The following ACADVL variants were observed in gnomAD, a reference collection of about 807,000 sequenced individuals.
The protein encoded by ACADVL is very long-chain acyl-CoA dehydrogenase, mitochondrial.
A neutral mutation model predicts 80.4 loss-of-function variants in ACADVL; 73 were observed. The observed-to-expected ratio is 0.91, with a 90% CI of 0.75 to 1.10. ACADVL has a LOEUF of 1.10. Ranked by LOEUF, ACADVL falls within the 50% of genes least tolerant of loss-of-function variation. The pLI is 0.00. For synonymous variants in ACADVL, 392 were observed against 326.5 expected (o/e 1.20, Z -2.16); for missense variants, 878 against 858.9 (o/e 1.02, Z -0.28).
upstream of ACADVL, chr17:7,219,278 G>A (rs571174477): frequency 1.3e-5 from 7 of 556,848 alleles, no homozygotes; most frequent in East Asian, 5.6e-4. Context: ...TCTCAGGCCC[G>A]GGAGGAATCC....
At chr17:7,223,615 C>G (rs1567566900) in intron 11 of ACADVL, 29 bp from the exon 12 acceptor site, 4 of 1,613,248 alleles carry the variant, frequency 2.5e-6, no homozygotes, top group Non-Finnish European at 3.4e-6. Flanking sequence ...TGCAATTTTC[C>G]TTCCCATGTC....
intron 11 of ACADVL, 121 bp from the exon 12 acceptor site, chr17:7,223,523 C>T: frequency 9.1e-7 from 1 of 1,096,238 alleles, no homozygotes; most frequent in Non-Finnish European, 1.4e-6. Flanking sequence ...TGACCCAGAA[C>T]AAGTATCTGC....
In ACADVL at chr17:7,224,055, C is replaced by T. The variant is rs771882915; in HGVS notation, c.1420C>T (p.Leu474=). ...TGACATTCTTCGGCTGTTTGTGGCT[C>T]TGCAGGGCTGTATGGTAAGACAGAG... The part of the protein sequence containing the change: ...TNDILRLFVA[L]QGCMDKGKEL... The change falls in exon 14 of 20, where the codon CTG becomes TTG. Residue 474 remains leucine (L), a synonymous_variant. Transcript: ENST00000356839. 5.6e-6 allele frequency: 9 copies of T among 1,614,138 alleles called. No individual in the cohort carries two copies. Among genetic ancestry groups the T allele is most frequent in the Non-Finnish European group, 7.6e-6 (9 of 1,180,028 alleles).
upstream of ACADVL, chr17:7,217,469 TGGGGGA>T: frequency 8.5e-6 from 1 of 117,404 alleles, no homozygotes; most frequent in Non-Finnish European, 1.5e-5. Flanking sequence ...TGAGCTGGGG[TGGGGGA>T]GGGGAACTGG....
chr17:7,217,739 A>AT (rs1567555665), upstream of ACADVL: 8 of 1,535,022 alleles, frequency 5.2e-6, no homozygotes, highest in Non-Finnish European at 6.1e-6. Context: ...GGGAAAGGAG[A>AT]TAGAAGCAGA....
Position 7,223,924 on chromosome 17 carries a change from G to A in ACADVL, c.1333-44G>A, listed in dbSNP as rs769315420. The A allele has an allele frequency of 1.9e-5, 30 of 1,613,630 alleles. 1 individual carries two copies. Among genetic ancestry groups the A allele is most frequent in the Non-Finnish European group, 2.5e-5 (30 of 1,179,836 alleles). ...CCTCGGCTGGGCCAGGGGTGGGTAG[G>A]CACATCTCAGCACGGGCATATAATT... is the stretch of plus-strand genomic sequence containing the variant. On this transcript the variant is annotated intron_variant, in intron 13 of 19. Coordinates refer to ENST00000356839, the MANE Select transcript of ACADVL (RefSeq NM_000018.4).
chr17:7,219,106 C>T, upstream of ACADVL: 1 of 559,720 alleles, frequency 1.8e-6, no homozygotes, highest in Admixed American at 3.2e-5. Flanking sequence ...AGGGCTCCAG[C>T]AGCTCAAAAA....
chr17:7,225,228 C>T lies in ACADVL; in HGVS notation c.*131C>T. On this transcript the variant is annotated 3_prime_UTR_variant, in exon 20 of 20. Coordinates refer to ENST00000356839, the MANE Select transcript of ACADVL (RefSeq NM_000018.4). Reference sequence around the variant, plus strand: ...AGCACTGTGCCTGCTCTCAAGAGCACTTACTGCCTCGCAAATAATAAAAAT... The same window carrying T: ...AGCACTGTGCCTGCTCTCAAGAGCATTTACTGCCTCGCAAATAATAAAAAT... The T allele has an allele frequency of 8.1e-7, 1 of 1,235,524 alleles. No individual in the cohort carries two copies. The allele number at this position is 1,235,524 out of a possible 1,614,324, so 76.5% of individuals were successfully genotyped here.
In ACADVL at chr17:7,224,824, G is replaced by A. The variant is rs755903860; in HGVS notation, c.1767G>A (p.Leu589=). 6.2e-7 allele frequency: 1 copy of A among 1,613,944 alleles called. No homozygotes were observed. The highest frequency in any genetic ancestry group is 1.1e-5 in the South Asian group (1 of 91,086). The change falls in exon 19 of 20, where the codon CTG becomes CTA. Residue 589 remains leucine, a synonymous_variant. Coordinates refer to ENST00000356839, the MANE Select transcript of ACADVL (RefSeq NM_000018.4). ...VVVLSRASRS[L]SEGHPTAQHE... is the part of the protein sequence containing the mutation. Reference sequence around the variant, plus strand: ...TTCCTGCCAGGGCCTCAAGATCCCTGAGTGAGGGCCACCCCACGGCCCAGC... The same window carrying A: ...TTCCTGCCAGGGCCTCAAGATCCCTAAGTGAGGGCCACCCCACGGCCCAGC...
intron 10 of ACADVL, 31 bp from the exon 11 acceptor site, chr17:7,223,102 A>G (rs1358172424): frequency 1.3e-6 from 2 of 1,585,842 alleles, no homozygotes; most frequent in Non-Finnish European, 1.7e-6. Context: ...ACCACACTGA[A>G]CCACAGCGGG....
chr17:7,222,694 C>T lies in ACADVL; in HGVS notation c.906C>T (p.Ile302=). 2 of 1,614,052 alleles carry T rather than the reference C, an allele frequency of 1.2e-6. No individual in the cohort carries two copies. The highest frequency in any genetic ancestry group is 1.7e-6 in the Non-Finnish European group (2 of 1,179,988). ...GGCCCCCTGAGAAGAAGATGGGCATCAAGGCTTCAAACACAGCAGAGGTGT... is the reference window on the plus strand; with the variant it reads ...GGCCCCCTGAGAAGAAGATGGGCATTAAGGCTTCAAACACAGCAGAGGTGT... ...THGPPEKKMG[I]KASNTAEVFF... The change falls in exon 10 of 20, where the codon ATC becomes ATT. Residue 302 remains isoleucine (I), a synonymous_variant. Transcript: ENST00000356839.
intron 9 of ACADVL, 36 bp from the exon 10 acceptor site, chr17:7,222,631 A>G: frequency 6.3e-7 from 1 of 1,581,270 alleles, no homozygotes; most frequent in Non-Finnish European, 8.6e-7. Context: ...CAACCTGTTG[A>G]ACACACCTCT....
chr17:7,223,342 A>G, intron 11 of ACADVL, 105 bp downstream of exon 11: 1 of 1,079,114 alleles, frequency 9.3e-7, no homozygotes, highest in Non-Finnish European at 1.4e-6. Flanking sequence ...CTCCAGCTTT[A>G]CACCAATGCC....
intron 17 of ACADVL, 31 bp from the exon 18 acceptor site, chr17:7,224,611 C>CACCCCACCTACCGGACAGATGA: frequency 9.2e-7 from 1 of 1,083,838 alleles, no homozygotes; most frequent in Non-Finnish European, 1.3e-6. Flanking sequence ...CTAATGCCCC[C>CACCCCACCTACCGGACAGATGA]ACCCCCACCC....
In ACADVL at chr17:7,224,581, T is replaced by A. The variant is rs1023643662; in HGVS notation, c.1678+29T>A. Reference sequence around the variant, plus strand: ...AGTGAGCTCTACACCATTCCGCCCCTCCCTTTCCTCTCCTTGAGACTAATG... The same window carrying A: ...AGTGAGCTCTACACCATTCCGCCCCACCCTTTCCTCTCCTTGAGACTAATG... On this transcript the variant is annotated intron_variant, in intron 17 of 19. Transcript: ENST00000356839. 7 of 1,605,876 alleles carry A rather than the reference T, an allele frequency of 4.4e-6. No individual in the cohort carries two copies. In the Admixed American group the frequency reaches 1.2e-4, roughly 27 times the overall value.
rs536992268 is a variant in ACADVL, at chr17:7,220,168, C to T, written c.109C>T (p.Arg37Trp). 64 of 1,538,438 alleles carry T rather than the reference C, an allele frequency of 4.2e-5. No individual in the cohort carries two copies. The highest frequency in any genetic ancestry group is 5.3e-5 in the Non-Finnish European group (61 of 1,148,458). ...GGGGCAGCCCCGGCCCGGCCCTGCCCGGCGGCCCTATGCCGGGGGTGCCGC... is the reference window on the plus strand; with the variant it reads ...GGGGCAGCCCCGGCCCGGCCCTGCCTGGCGGCCCTATGCCGGGGGTGCCGC... The part of the protein sequence containing the change: ...LLGQPRPGPA[R>W]RPYAGGAAQL... The change falls in exon 2 of 20, where the codon CGG becomes TGG. Residue 37 changes from arginine to tryptophan, a missense_variant. By Grantham distance (101) the Arg-to-Trp change is moderately radical. Coordinates refer to ENST00000356839, the MANE Select transcript of ACADVL (RefSeq NM_000018.4).
chr17:7,220,665 C>T lies in ACADVL; in HGVS notation c.266C>T (p.Pro89Leu). The change falls in exon 4 of 20, where the codon CCA becomes CTA. Residue 89 changes from proline (P) to leucine (L), a missense_variant. Transcript: ENST00000356839. ...CAGCTCACCACAGATCAGGTGTTCC[C>T]ATACCCGTCCGGTAAGGGAAGGGAT... ...KGQLTTDQVF[P>L]YPSVLNEEQT... The T allele has an allele frequency of 6.2e-7, 1 of 1,614,206 alleles. No individual in the cohort carries two copies. The highest frequency in any genetic ancestry group is 1.1e-5 in the South Asian group (1 of 91,076).
At chr17:7,221,185 A>T in intron 6 of ACADVL, 127 bp downstream of exon 6, 1 of 1,487,974 alleles carries the variant, frequency 6.7e-7, no homozygotes, top group Non-Finnish European at 9.2e-7. Context: ...TGCCTGTGGG[A>T]TGGATGTTAA....
chr17:7,217,753 A>C, upstream of ACADVL: 1 of 1,535,354 alleles, frequency 6.5e-7, no homozygotes, highest in Admixed American at 2.0e-5. Context: ...AAGCAGAAGC[A>C]CAGAGGCCCC....
Sources: allele counts gnomAD v4.1 joint callset, GRCh38; gene constraint gnomAD v4.1.1; transcripts MANE v1.5; gene names NCBI Gene and HGNC (gene_info 2026-07-23, HGNC 2026-07-21).